Variants in RTF2 observed in about 807,000 individuals in gnomAD.
The protein encoded by RTF2 is UPF0549 protein C20orf43.
RTF2 carries 18 observed loss-of-function variants against 38.0 expected under a neutral mutation model. That is an observed-to-expected ratio of 0.47 (90% CI 0.33 to 0.70). RTF2 has a LOEUF of 0.70. Ranked by LOEUF, RTF2 falls within the 30% of genes least tolerant of loss-of-function variation. RTF2 has a pLI of 0.02. For missense variants in RTF2, 311 were observed against 379.6 expected, an observed-to-expected ratio of 0.82 and a Z score of 1.50; for synonymous variants, 126 against 137.1, an observed-to-expected ratio of 0.92 and a Z score of 0.57.
At chr20:56,504,344 GCA>G (rs1423063187) in intron 5 of RTF2, 2 of 152,180 alleles carry the variant, frequency 1.3e-5, no homozygotes, top group Non-Finnish European at 1.5e-5. Context: ...GATGAAGGGC[GCA>G]CAGTCACTCA....
At chr20:56,511,259 C>A (rs1243274827) in intron 5 of RTF2, among the ~76,000 whole-genome samples, 1 of 152,102 alleles carries the variant, frequency 6.6e-6, no homozygotes, top group Non-Finnish European at 1.5e-5. Context: ...GAGCCACAGG[C>A]GAGAGAACAT....
chr20:56,506,492 A>G (rs961407766), intron 5 of RTF2, among the ~76,000 whole-genome samples: 1 of 152,132 alleles, frequency 6.6e-6, no homozygotes, highest in Admixed American at 6.5e-5. Context: ...AAATATCTAG[A>G]TACATTAGCA....
intron 5 of RTF2, 156 bp from the exon 6 acceptor site, chr20:56,513,159 G>A (rs888917347): frequency 3.7e-6 from 2 of 536,694 alleles, no homozygotes; most frequent in Non-Finnish European, 4.8e-6. Flanking sequence ...TGCTGTGTGC[G>A]GGAACTTTCC....
Position 56,514,493 on chromosome 20 carries a change from C to T in RTF2, c.591+1065C>T, listed in dbSNP as rs142406630. 9.6e-4 allele frequency among the ~76,000 whole-genome samples: 146 copies of T among 152,224 alleles called. 2 individuals are homozygous for T. Among genetic ancestry groups the T allele is most frequent in the African/African-American group, 3.1e-3 (128 of 41,536 alleles). ...AATTATGAAACAAATCGCCTGCCCT[C>T]GCGTGGGTGTGCATTTTACCAGTGC... On this transcript the variant is annotated intron_variant, in intron 6 of 8. Transcript: ENST00000357348.
chr20:56,513,133 T>C (rs529830237), intron 5 of RTF2, among the ~76,000 whole-genome samples, 182 bp from the exon 6 acceptor site: 6 of 152,220 alleles, frequency 3.9e-5, no homozygotes, highest in Non-Finnish European at 8.8e-5. Flanking sequence ...ACTCTTAACC[T>C]GCTACGCTGA....
chr20:56,507,161 T>G (rs1032183955), intron 5 of RTF2, among the ~76,000 whole-genome samples: 3 of 152,192 alleles, frequency 2.0e-5, no homozygotes, highest in African/African-American at 7.2e-5. Flanking sequence ...GATTTTCTGT[T>G]GGTATAATAC....
chr20:56,488,889 G>GGCCTCCCT, intron 5 of RTF2, among the ~76,000 whole-genome samples: 1 of 151,982 alleles, frequency 6.6e-6, no homozygotes, highest in South Asian at 2.1e-4. Context: ...CCTGCCTCTC[G>GGCCTCCCT]GCCTCCCTGC....
intron 5 of RTF2, among the ~76,000 whole-genome samples, chr20:56,490,807 A>C (rs1432038518): frequency 2.6e-5 from 4 of 152,198 alleles, no homozygotes; most frequent in Admixed American, 1.3e-4. Flanking sequence ...ACAAGAGTAA[A>C]ACTCCGTCTC....
chr20:56,495,439 G>A (rs954935689), intron 5 of RTF2: 2 of 686,714 alleles, frequency 2.9e-6, no homozygotes, highest in African/African-American at 3.6e-5. Context: ...AACCTTCCTT[G>A]AGATGTTTCA....
At chr20:56,474,635 A>C (rs759712639) in intron 2 of RTF2, 43 bp from the exon 3 acceptor site, 8 of 1,284,132 alleles carry the variant, frequency 6.2e-6, no homozygotes, top group Non-Finnish European at 7.6e-6. Context: ...TGGTTATTTG[A>C]AAGTCGCTTG....
chr20:56,478,260 A>G (rs1184112100), intron 4 of RTF2, among the ~76,000 whole-genome samples: 1 of 152,210 alleles, frequency 6.6e-6, no homozygotes, highest in Non-Finnish European at 1.5e-5. Flanking sequence ...AGGCCGAGAC[A>G]GGAGGATTGC....
intron 1 of RTF2, 57 bp downstream of exon 1, chr20:56,468,823 A>G: frequency 7.1e-6 from 10 of 1,412,436 alleles, no homozygotes; most frequent in Admixed American, 2.0e-5. Context: ...TGACGACCCC[A>G]GAAAACGAGA....
chr20:56,477,268 T>C (rs1982303484), intron 4 of RTF2, 144 bp downstream of exon 4: 2 of 865,878 alleles, frequency 2.3e-6, no homozygotes, highest in Admixed American at 5.7e-5. Flanking sequence ...AAATGGTGCT[T>C]GGTCATGAGC....
intron 5 of RTF2, among the ~76,000 whole-genome samples, chr20:56,508,928 C>T (rs754784568): frequency 4.6e-5 from 7 of 152,198 alleles, no homozygotes; most frequent in Admixed American, 2.0e-4. Context: ...TTAGGAGAAA[C>T]GCAGGAGTAA....
intron 5 of RTF2, among the ~76,000 whole-genome samples, chr20:56,510,046 A>G (rs1383475173): frequency 6.6e-6 from 1 of 152,052 alleles, no homozygotes; most frequent in East Asian, 1.9e-4. Context: ...CAGAAGAGGC[A>G]AATTTGTAGG....
chr20:56,486,602 T>C (rs956159975), intron 5 of RTF2, among the ~76,000 whole-genome samples: 3 of 152,118 alleles, frequency 2.0e-5, no homozygotes, highest in Non-Finnish European at 4.4e-5. Context: ...TGACCCAAGA[T>C]TGTGCCACTG....
In RTF2 at chr20:56,478,719, G is replaced by C. The variant is rs6014746; in HGVS notation, c.398+1595G>C. 3.8e-3 allele frequency among the ~76,000 whole-genome samples: 578 copies of C among 152,270 alleles called. 4 individuals carry two copies. Among genetic ancestry groups the C allele is most frequent in the African/African-American group, 0.013 (541 of 41,534 alleles). ...GTGGTTGCTGAAGGTTCGGGTGGCT[G>C]TAGCAGTGTATTACAGTAAGACAGC... is the stretch of plus-strand genomic sequence containing the variant. On this transcript the variant is annotated intron_variant, in intron 4 of 8. Transcript: ENST00000357348.
intron 2 of RTF2, 151 bp downstream of exon 2, chr20:56,473,546 G>A: frequency 1.7e-6 from 1 of 600,310 alleles, no homozygotes; most frequent in Non-Finnish European, 3.0e-6. Flanking sequence ...ACATAGTTCT[G>A]TACTCTTCTA....
chr20:56,470,725 G>C (rs1485180694), intron 1 of RTF2: 7 of 454,588 alleles, frequency 1.5e-5, no homozygotes, highest in Non-Finnish European at 2.7e-5. Context: ...ATTGGACATG[G>C]AGTTAATAAT....
Sources: allele counts gnomAD v4.1 joint callset (sites outside exome capture counted in the v4.1 genomes callset), GRCh38; gene constraint gnomAD v4.1.1; transcripts MANE v1.5; gene names NCBI Gene and HGNC (gene_info 2026-07-23, HGNC 2026-07-21).